Variants in TRIM2 observed in about 807,000 individuals in gnomAD.
The protein encoded by TRIM2 is tripartite motif-containing protein 2.
A neutral mutation model predicts 75.2 loss-of-function variants in TRIM2; 20 were observed. The ratio of observed to expected loss-of-function variants is 0.27; its 90% CI spans 0.19 to 0.39. The LOEUF (loss-of-function observed/expected upper bound fraction) is 0.39. Among genes scored for constraint, TRIM2 ranks in the 10% least tolerant of loss-of-function variants. The pLI is 1.00. For missense variants in TRIM2, 660 were observed against 990.8 expected, an observed-to-expected ratio of 0.67 and a Z score of 4.48; for synonymous variants, 373 against 388.3, an observed-to-expected ratio of 0.96 and a Z score of 0.46.
In TRIM2 at chr4:153,261,157, C is replaced by T. The variant is rs1207046739; in HGVS notation, c.31-9178C>T. On this transcript the variant is annotated intron_variant, in intron 1 of 11. Transcript: ENST00000338700. ...ATGGGCTGGGCCAGGCACAATGACT[C>T]ATGCCTGTAATCCCAGCATTTTAAG... 7.2e-5 allele frequency among the ~76,000 whole-genome samples: 11 copies of T among 152,218 alleles called. No individual in the cohort carries two copies. The South Asian group carries it at 1.2e-3, about 17-fold the overall frequency.
chr4:153,337,569 C>T lies in TRIM2; in HGVS notation c.*2603C>T. 9.1e-6 allele frequency: 9 copies of T among 985,742 alleles called. No individual in the cohort carries two copies. The highest frequency in any genetic ancestry group is 1.1e-5 in the Non-Finnish European group (9 of 829,930). The allele number at this position is 985,742 out of a possible 1,614,324, so 61.1% of individuals were successfully genotyped here. A position where few individuals can be genotyped will look rare whatever the true frequency, so the allele number is the denominator to read the frequency against. On this transcript the variant is annotated 3_prime_UTR_variant, in exon 12 of 12. Coordinates refer to ENST00000338700, the MANE Select transcript of TRIM2 (RefSeq NM_015271.5). ...ATAGATAACATTTCACACTTGGATA[C>T]ATATGTGCATTTACTGTATTTCTTG...
At chr4:153,262,513 G>C (rs1753829044) in intron 1 of TRIM2, among the ~76,000 whole-genome samples, 1 of 152,150 alleles carries the variant, frequency 6.6e-6, no homozygotes, top group African/African-American at 2.4e-5. Flanking sequence ...TTACAATAGT[G>C]ATGTTTTTTA....
Position 153,295,396 on chromosome 4 carries a change from C to T in TRIM2, c.870C>T (p.Asn290=), listed in dbSNP as rs35333794. 27,266 of 1,614,112 alleles carry T rather than the reference C, an allele frequency of 0.017. 318 individuals are homozygous for T. Among genetic ancestry groups the T allele is most frequent in the Admixed American group, 0.032 (1,893 of 60,026 alleles). ...GCAACTTCACAGCGCAGGCCCTCAA[C>T]CATGGCACGGAGACCGAGGTCCTAC... ...SCSNFTAQAL[N]HGTETEVLLV... The change falls in exon 6 of 12, where the codon AAC becomes AAT. Residue 290 remains asparagine, a synonymous_variant. Transcript: ENST00000338700. The surrounding 1 kb of genome is among the most constrained non-coding windows in gnomAD (Gnocchi z 7.2).
At chr4:153,241,724 G>A (rs1221073219) in intron 1 of TRIM2, among the ~76,000 whole-genome samples, 1 of 152,154 alleles carries the variant, frequency 6.6e-6, no homozygotes, top group African/African-American at 2.4e-5. Flanking sequence ...ACTAAAACAA[G>A]GCGGCCTCCT....
intron 1 of TRIM2, among the ~76,000 whole-genome samples, chr4:153,218,913 C>T (rs1245877735): frequency 2.0e-5 from 3 of 152,156 alleles, no homozygotes; most frequent in African/African-American, 7.2e-5. Flanking sequence ...CCTGAATTCT[C>T]AAAACAGTTT....
chr4:153,239,667 G>A (rs1308222732), intron 1 of TRIM2, among the ~76,000 whole-genome samples: 1 of 151,994 alleles, frequency 6.6e-6, no homozygotes, highest in African/African-American at 2.4e-5. Flanking sequence ...TTTTCTTCTC[G>A]TTCTGTCTTC....
At position 153,244,392 on chromosome 4, in the gene TRIM2, T is replaced by TTCTC. The variant is rs1748250494; in HGVS notation, c.31-25943_31-25942insTCTC. Among the ~76,000 whole-genome samples the TTCTC allele has an allele frequency of 5.0e-5, 4 of 80,554 alleles. 1 individual carries two copies. Among genetic ancestry groups the TTCTC allele is most frequent in the Admixed American group, 1.4e-4 (1 of 7,072 alleles). The allele number at this position is 80,554 out of a possible 152,430, so 52.8% of individuals were successfully genotyped here. On this transcript the variant is annotated intron_variant, in intron 1 of 11. Transcript: ENST00000338700. ...TTCTTCTTCTTCTTCTTCTTCTTCTTCTTCTTCTTCTTCTTCTTCTTCTTC... is the reference window on the plus strand; with the variant it reads ...TTCTTCTTCTTCTTCTTCTTCTTCTTTCTCCTTCTTCTTCTTCTTCTTCTTCTTC...
chr4:153,286,371 AT>A (rs900392682), intron 3 of TRIM2, among the ~76,000 whole-genome samples: 4 of 150,956 alleles, frequency 2.6e-5, no homozygotes, highest in African/African-American at 9.7e-5. Context: ...AATCTCTTCT[AT>A]TTTTTTTTAA....
At chr4:153,276,565 G>T (rs1758076158) in intron 3 of TRIM2, among the ~76,000 whole-genome samples, 1 of 152,210 alleles carries the variant, frequency 6.6e-6, no homozygotes, top group African/African-American at 2.4e-5. Flanking sequence ...GATAGAATTT[G>T]AAGCTATGTG....
chr4:153,247,018 C>T (rs776617982), intron 1 of TRIM2, among the ~76,000 whole-genome samples: 6 of 152,152 alleles, frequency 3.9e-5, no homozygotes, highest in Admixed American at 6.5e-5. Context: ...TGTCCAGAGA[C>T]GATGACTTAC....
At chr4:153,253,897 C>G (rs1402598783) in intron 1 of TRIM2, among the ~76,000 whole-genome samples, 3 of 152,210 alleles carry the variant, frequency 2.0e-5, no homozygotes, top group Admixed American at 6.5e-5. Flanking sequence ...GAACCAGCAG[C>G]CCTCAGGGCT....
chr4:153,224,993 G>C (rs1052040489), intron 1 of TRIM2, among the ~76,000 whole-genome samples: 1 of 152,210 alleles, frequency 6.6e-6, no homozygotes, highest in Admixed American at 6.5e-5. Flanking sequence ...TGTCAGGAAT[G>C]ATCTGTTTAC....
chr4:153,337,912 C>CT lies in TRIM2; in HGVS notation c.*2948dup. ...TCCCAGTACAGACCCCCCAGCCCCCCTTGCTGGACATGGGGAGGCAGAGAG... is the reference window on the plus strand; with the variant it reads ...TCCCAGTACAGACCCCCCAGCCCCCCTTTGCTGGACATGGGGAGGCAGAGAG... On this transcript the variant is annotated 3_prime_UTR_variant, in exon 12 of 12. Transcript: ENST00000338700. 1 of 985,834 alleles carries CT rather than the reference C, an allele frequency of 1.0e-6. No homozygotes were observed. Among genetic ancestry groups the CT allele is most frequent in the Non-Finnish European group, 1.2e-6 (1 of 829,922 alleles). 61.1% of individuals were successfully genotyped at this position (985,834 alleles called of 1,614,324 possible). A position where few individuals can be genotyped will look rare whatever the true frequency, so the allele number is the denominator to read the frequency against.
chr4:153,257,463 G>A, intron 1 of TRIM2: 1 of 1,251,780 alleles, frequency 8.0e-7, no homozygotes, highest in South Asian at 1.3e-5. Context: ...TCTTCCACTT[G>A]TTAATGACCC....
intron 5 of TRIM2, among the ~76,000 whole-genome samples, chr4:153,294,835 A>G (rs1762462250): frequency 6.6e-6 from 1 of 152,218 alleles, no homozygotes; most frequent in African/African-American, 2.4e-5. Context: ...CTTCAAAATG[A>G]ACCCTGACTG....
At chr4:153,259,080 G>A (rs1018090249) in intron 1 of TRIM2, among the ~76,000 whole-genome samples, 4 of 152,186 alleles carry the variant, frequency 2.6e-5, no homozygotes, top group Non-Finnish European at 5.9e-5. Flanking sequence ...ATTTGCATTG[G>A]AAAGGTTAAA....
chr4:153,248,293 GC>G lies in TRIM2; in HGVS notation c.31-22040del, dbSNP rs1277511139. 6.6e-6 allele frequency among the ~76,000 whole-genome samples: 1 copy of G among 152,174 alleles called. No homozygotes were observed. Among genetic ancestry groups the G allele is most frequent in the Non-Finnish European group, 1.5e-5 (1 of 68,026 alleles). On this transcript the variant is annotated intron_variant, in intron 1 of 11. Coordinates refer to ENST00000338700, the MANE Select transcript of TRIM2 (RefSeq NM_015271.5). This position sits in a 1 kb window ranked among gnomAD's most constrained non-coding sequence, Gnocchi z 4.0. ...TTACAGGCGTGAGCCACCGCACCCG[GC>G]CTAGATCAGGTTCTTTACATAGACT...
rs1367724878 is a variant in TRIM2 at position 153,295,933 on chromosome 4, G to T, written c.1407G>T (p.Gly469=). 6.3e-7 allele frequency: 1 copy of T among 1,597,804 alleles called. No individual in the cohort carries two copies. Among genetic ancestry groups the T allele is most frequent in the African/African-American group, 1.3e-5 (1 of 74,346 alleles). Residue 469 remains glycine, a synonymous_variant, in exon 6 of 12, where the codon GGG becomes GGT. Transcript: ENST00000338700. This position sits in a 1 kb window ranked among gnomAD's most constrained non-coding sequence, Gnocchi z 7.2. ...TGAAGAGGCGCGTTAAGTCCCCGGG[G>T]AGCGGCCACGTCAAGCAGAAAGCTG... ...EGVKRRVKSP[G]SGHVKQKAVK... is the part of the protein sequence containing the mutation.
At chr4:153,219,273 G>T (rs73854606) in intron 1 of TRIM2, among the ~76,000 whole-genome samples, 5 of 152,064 alleles carry the variant, frequency 3.3e-5, no homozygotes, top group Admixed American at 6.5e-5. Context: ...AGGAGTGGCA[G>T]TCATAAAGCC....
Sources: gnomAD v4.1 joint callset for allele counts (sites outside exome capture counted in the v4.1 genomes callset) on GRCh38, gnomAD v4.1.1 for gene constraint, Gnocchi (gnomAD v3.1) non-coding constraint, MANE v1.5 for transcripts, NCBI Gene and HGNC (gene_info 2026-07-23, HGNC 2026-07-21) for gene names.